The following NTM variants were observed in gnomAD, a reference collection of about 807,000 sequenced individuals.
NTM encodes the protein IgLON family member 2.
Under a neutral mutation model 42.1 loss-of-function variants are expected in NTM, and 13 were observed. The ratio of observed to expected loss-of-function variants is 0.31; its 90% CI spans 0.20 to 0.49. NTM has a LOEUF of 0.49. Ranked by LOEUF, NTM falls within the 20% of genes least tolerant of loss-of-function variation. The probability of loss-of-function intolerance (pLI) is 0.99; values close to 1 mark genes in which losing one functional copy is unlikely to be tolerated. For synonymous variants in NTM, 187 were observed against 179.2 expected (o/e 1.04, Z -0.35); for missense variants, 373 against 452.8 (o/e 0.82, Z 1.60).
chr11:132,045,533 T>G (rs1444973410), intron 2 of NTM, among the ~76,000 whole-genome samples: 1 of 152,188 alleles, frequency 6.6e-6, no homozygotes, highest in Non-Finnish European at 1.5e-5. Flanking sequence ...TCCATGCAAG[T>G]ATTTATTTTT....
chr11:132,208,352 C>G (rs971836706), intron 3 of NTM, among the ~76,000 whole-genome samples: 7 of 152,186 alleles, frequency 4.6e-5, no homozygotes, highest in African/African-American at 1.7e-4. Context: ...GGATTGCTCC[C>G]CTAGTCAAAC....
intron 1 of NTM, among the ~76,000 whole-genome samples, chr11:131,518,201 C>T (rs1297824619): frequency 4.6e-5 from 7 of 152,078 alleles, no homozygotes; most frequent in Non-Finnish European, 1.5e-5. Flanking sequence ...ATATTCTAGA[C>T]AAAATGGATT....
At chr11:131,562,449 T>G (rs1325801855) in intron 1 of NTM, among the ~76,000 whole-genome samples, 1 of 152,072 alleles carries the variant, frequency 6.6e-6, no homozygotes, top group Non-Finnish European at 1.5e-5. Context: ...TCGCTGATGG[T>G]ATTTGTCAGT....
intron 1 of NTM, among the ~76,000 whole-genome samples, chr11:131,475,439 G>A (rs996188173): frequency 2.0e-5 from 3 of 151,996 alleles, no homozygotes; most frequent in African/African-American, 7.3e-5. Flanking sequence ...AGGTACAGAG[G>A]GTGTACCTGT....
chr11:131,875,797 A>G (rs902757821), intron 1 of NTM, among the ~76,000 whole-genome samples: 18 of 152,054 alleles, frequency 1.2e-4, no homozygotes, highest in African/African-American at 4.1e-4. Flanking sequence ...GCAGGGAAAG[A>G]GCTCTTTCCC....
chr11:131,972,904 C>T (rs188839193), intron 2 of NTM, among the ~76,000 whole-genome samples: 1 of 152,122 alleles, frequency 6.6e-6, no homozygotes, highest in African/African-American at 2.4e-5. Flanking sequence ...TCTCATTCAG[C>T]GATGTCTAAA....
intron 1 of NTM, among the ~76,000 whole-genome samples, chr11:131,669,584 C>T (rs1290638028): frequency 6.6e-6 from 1 of 152,090 alleles, no homozygotes; most frequent in Admixed American, 6.5e-5. Context: ...GGGGGGAGGG[C>T]AACGTCACTC....
At chr11:131,421,778 ATAT>A (rs1417836892) in intron 1 of NTM, among the ~76,000 whole-genome samples, 1 of 152,202 alleles carries the variant, frequency 6.6e-6, no homozygotes, top group Non-Finnish European at 1.5e-5. Flanking sequence ...AGGGAGATGC[ATAT>A]TTAGCATTGT....
At chr11:131,371,999 C>A (rs1400128797) in intron 1 of NTM, among the ~76,000 whole-genome samples, 1 of 152,130 alleles carries the variant, frequency 6.6e-6, no homozygotes, top group Non-Finnish European at 1.5e-5. Flanking sequence ...AGTCCCACCC[C>A]CTCGCCCTCT....
intron 2 of NTM, among the ~76,000 whole-genome samples, chr11:132,139,455 A>G (rs188984006): frequency 2.0e-5 from 3 of 152,220 alleles, no homozygotes; most frequent in Non-Finnish European, 4.4e-5. Context: ...GTGTTGTGCC[A>G]TTCATTTCAG....
At chr11:132,124,217 C>T (rs1315761362) in intron 2 of NTM, among the ~76,000 whole-genome samples, 4 of 152,122 alleles carry the variant, frequency 2.6e-5, no homozygotes, top group East Asian at 1.9e-4. Context: ...GATCTTCGAT[C>T]GGGCCATGGG....
rs367605289 is a variant in NTM, at chr11:132,144,105, A to T, written c.168-2177A>T. Among the ~76,000 whole-genome samples, 17 of 152,320 alleles carry T rather than the reference A, an allele frequency of 1.1e-4. No individual in the cohort carries two copies. In the South Asian group the frequency reaches 3.3e-3, roughly 30 times the overall value. Reference sequence around the variant, plus strand: ...TTTCTGATGAGCTCCCACCCAAGTGATGCTGATGTTGGTGGTTTGCCAGCC... The same window carrying T: ...TTTCTGATGAGCTCCCACCCAAGTGTTGCTGATGTTGGTGGTTTGCCAGCC... On this transcript the variant is annotated intron_variant, in intron 2 of 8. Transcript: ENST00000683400.
Position 131,684,576 on chromosome 11 carries a change from C to A in NTM, c.83-226988C>A, listed in dbSNP as rs540880711. On this transcript the variant is annotated intron_variant, in intron 1 of 8. Coordinates refer to ENST00000683400, the MANE Select transcript of NTM (RefSeq NM_001352005.2). ...CCGCTTCCTTTATGTAGGACACTGG[C>A]CCCTCATTTGCTCAGCTTTGGGACC... Among the ~76,000 whole-genome samples, 26 of 152,360 alleles carry A rather than the reference C, an allele frequency of 1.7e-4. 1 individual carries two copies. The highest frequency in any genetic ancestry group is 5.8e-4 in the African/African-American group (24 of 41,598).
At chr11:131,745,893 C>CA (rs1425187951) in intron 1 of NTM, among the ~76,000 whole-genome samples, 2 of 152,100 alleles carry the variant, frequency 1.3e-5, no homozygotes, top group Non-Finnish European at 1.5e-5. Context: ...TTTCAGTCTG[C>CA]AAAAAACCCC....
At chr11:131,960,458 T>A (rs191160069) in intron 2 of NTM, among the ~76,000 whole-genome samples, 2 of 152,340 alleles carry the variant, frequency 1.3e-5, no homozygotes, top group East Asian at 3.9e-4. Flanking sequence ...AGTCAGTGAC[T>A]CTAGGAAGGG....
At chr11:131,897,314 C>T (rs2052459791) in intron 1 of NTM, among the ~76,000 whole-genome samples, 1 of 152,116 alleles carries the variant, frequency 6.6e-6, no homozygotes, top group African/African-American at 2.4e-5. Context: ...TTGGTGGTAG[C>T]ATTGGAGACT....
intron 1 of NTM, among the ~76,000 whole-genome samples, chr11:131,397,817 A>G (rs1327049170): frequency 2.6e-5 from 4 of 151,880 alleles, no homozygotes; most frequent in African/African-American, 9.7e-5. Context: ...GGACAGCCAT[A>G]CTCATCTCTC....
intron 1 of NTM, among the ~76,000 whole-genome samples, chr11:131,721,596 T>C (rs2078337493): frequency 6.6e-6 from 1 of 152,088 alleles, no homozygotes. Flanking sequence ...ACCAGACTTG[T>C]GTGAATTTGG....
In NTM at chr11:131,722,021, A is replaced by AAAAAAGAG. The variant is rs368857349; in HGVS notation, c.83-189542_83-189541insAAAAGAGA. Among the ~76,000 whole-genome samples the AAAAAAGAG allele has an allele frequency of 9.0e-4, 102 of 112,820 alleles. 11 individuals carry two copies. Among genetic ancestry groups the AAAAAAGAG allele is most frequent in the African/African-American group, 3.1e-3 (90 of 29,446 alleles). The allele number at this position is 112,820 out of a possible 152,430, so 74.0% of individuals were successfully genotyped here. On this transcript the variant is annotated intron_variant, in intron 1 of 8. Transcript: ENST00000683400. Reference sequence around the variant, plus strand: ...CAAAAAAAAAAAAAAAAAAAAAAAAAAGAGAGAAAGAAAGAAAATAATGCT... The same window carrying AAAAAAGAG: ...CAAAAAAAAAAAAAAAAAAAAAAAAAAAAAAGAGAGAGAGAAAGAAAGAAAATAATGCT...
Sources: gnomAD v4.1 joint callset for allele counts (sites outside exome capture counted in the v4.1 genomes callset) on GRCh38, gnomAD v4.1.1 for gene constraint, MANE v1.5 for transcripts, NCBI Gene and HGNC (gene_info 2026-07-23, HGNC 2026-07-21) for gene names.